The following CNTNAP5 variants were observed in gnomAD, a reference collection of about 807,000 sequenced individuals.
CNTNAP5 encodes the protein contactin associated protein family member 5.
Under a neutral mutation model 150.2 loss-of-function variants are expected in CNTNAP5, and 72 were observed. The observed-to-expected ratio is 0.48, with a 90% CI of 0.40 to 0.58. CNTNAP5 has a LOEUF of 0.58. Among genes scored for constraint, CNTNAP5 ranks in the 20% least tolerant of loss-of-function variants. The pLI is 0.00. For missense variants in CNTNAP5, 1,636 were observed against 1,626.2 expected, an observed-to-expected ratio of 1.01 and a Z score of -0.10; for synonymous variants, 672 against 619.8, an observed-to-expected ratio of 1.08 and a Z score of -1.25.
intron 1 of CNTNAP5, among the ~76,000 whole-genome samples, chr2:124,105,039 A>AG (rs879402557): frequency 9.9e-4 from 151 of 152,220 alleles, no homozygotes; most frequent in African/African-American, 2.0e-3. Context: ...GCTGCTCTAC[A>AG]CATATATAAG....
intron 1 of CNTNAP5, among the ~76,000 whole-genome samples, chr2:124,092,495 A>G (rs1289835158): frequency 2.6e-5 from 4 of 152,174 alleles, no homozygotes; most frequent in African/African-American, 9.7e-5. Context: ...ACCCTGAAGT[A>G]CTTTAATCCT....
At chr2:124,294,358 T>A (rs937703266) in intron 3 of CNTNAP5, among the ~76,000 whole-genome samples, 3 of 146,146 alleles carry the variant, frequency 2.1e-5, no homozygotes, top group Non-Finnish European at 3.0e-5. Flanking sequence ...AAAACAGGAA[T>A]TTTTTTTTTT....
rs528265415 is a variant in CNTNAP5, at chr2:124,171,401, C to A, written c.83-50304C>A. The stretch of plus-strand genomic sequence containing the variant: ...GCCAGCACAACAGTATCACCACAAA[C>A]CCTCAGCACGTTGCTAATTTGAGCT... On this transcript the variant is annotated intron_variant, in intron 1 of 23. Coordinates refer to ENST00000682447, the MANE Select transcript of CNTNAP5 (RefSeq NM_001367498.1). Among the ~76,000 whole-genome samples the A allele has an allele frequency of 3.9e-4, 60 of 152,290 alleles. 1 individual carries two copies. The highest frequency in any genetic ancestry group is 7.3e-4 in the Non-Finnish European group (50 of 68,028).
At chr2:124,498,759 A>T (rs1038438174) in intron 7 of CNTNAP5, among the ~76,000 whole-genome samples, 1 of 152,216 alleles carries the variant, frequency 6.6e-6, no homozygotes, top group African/African-American at 2.4e-5. Context: ...AGCCTGCATC[A>T]TTCAAAGAAA....
At chr2:124,469,221 G>A (rs1224828066) in intron 6 of CNTNAP5, among the ~76,000 whole-genome samples, 1 of 152,098 alleles carries the variant, frequency 6.6e-6, no homozygotes, top group Non-Finnish European at 1.5e-5. Context: ...CAATTTTTTA[G>A]TATATGGTAC....
intron 8 of CNTNAP5, among the ~76,000 whole-genome samples, chr2:124,506,240 T>C (rs1694404654): frequency 6.6e-6 from 1 of 151,556 alleles, no homozygotes; most frequent in Admixed American, 6.6e-5. Flanking sequence ...ATCAGAAATT[T>C]ACATTAAAAT....
At chr2:124,671,036 A>G (rs1443967631) in intron 13 of CNTNAP5, among the ~76,000 whole-genome samples, 1 of 152,150 alleles carries the variant, frequency 6.6e-6, no homozygotes, top group African/African-American at 2.4e-5. Context: ...GGTGCCCAAT[A>G]TACCCAACTG....
intron 14 of CNTNAP5, among the ~76,000 whole-genome samples, chr2:124,747,864 C>T (rs1459172538): frequency 2.6e-5 from 3 of 113,552 alleles, no homozygotes; most frequent in Middle Eastern, 0.011. Context: ...GTCTTGATAT[C>T]TTGACCTCGT....
intron 1 of CNTNAP5, among the ~76,000 whole-genome samples, chr2:124,063,595 G>T (rs538728323): frequency 3.3e-5 from 5 of 152,220 alleles, no homozygotes; most frequent in African/African-American, 1.2e-4. Flanking sequence ...CATCCAGGAC[G>T]CAACACGTAT....
chr2:124,548,110 G>A (rs1695552969), intron 10 of CNTNAP5, among the ~76,000 whole-genome samples: 1 of 152,136 alleles, frequency 6.6e-6, no homozygotes, highest in Admixed American at 6.5e-5. Context: ...AGTTGAAAGA[G>A]GGGGAAAAAA....
In CNTNAP5 at chr2:124,419,896, TTTTCTTTCTTTCTTTC is replaced by T. The variant is rs776205045; in HGVS notation, c.529+2351_529+2366del. On this transcript the variant is annotated intron_variant, in intron 4 of 23. Coordinates refer to ENST00000682447, the MANE Select transcript of CNTNAP5 (RefSeq NM_001367498.1). ...CATGTTTTTTATTTGACTGGATTGG[TTTTCTTTCTTTCTTTC>T]TTTCTTTCTTTCTTTCTTTCTTTCT... Among the ~76,000 whole-genome samples the T allele has an allele frequency of 1.7e-3, 149 of 85,230 alleles. 1 individual carries two copies. Among genetic ancestry groups the T allele is most frequent in the African/African-American group, 5.8e-3 (122 of 20,994 alleles). The allele number at this position is 85,230 out of a possible 152,430, so 55.9% of individuals were successfully genotyped here.
At chr2:124,824,211 C>G (rs559550628) in intron 19 of CNTNAP5, among the ~76,000 whole-genome samples, 1 of 152,156 alleles carries the variant, frequency 6.6e-6, no homozygotes, top group Non-Finnish European at 1.5e-5. Flanking sequence ...AGCTACCATG[C>G]CTGGCCCTTA....
chr2:124,694,882 A>G (rs1679372722), intron 13 of CNTNAP5, among the ~76,000 whole-genome samples: 1 of 152,146 alleles, frequency 6.6e-6, no homozygotes, highest in African/African-American at 2.4e-5. Flanking sequence ...AGTAAGACAA[A>G]AGTGAAACAA....
chr2:124,032,556 G>A (rs1442569138), intron 1 of CNTNAP5, among the ~76,000 whole-genome samples: 1 of 151,902 alleles, frequency 6.6e-6, no homozygotes, highest in Non-Finnish European at 1.5e-5. Flanking sequence ...AGATATATCT[G>A]AATCTACAAA....
intron 8 of CNTNAP5, among the ~76,000 whole-genome samples, chr2:124,523,482 T>A (rs951237743): frequency 6.6e-6 from 1 of 152,166 alleles, no homozygotes; most frequent in South Asian, 2.1e-4. Context: ...AAGGAAATAG[T>A]TGAAACCTCA....
chr2:124,711,058 G>T (rs1396673803), intron 13 of CNTNAP5, among the ~76,000 whole-genome samples: 2 of 152,032 alleles, frequency 1.3e-5, no homozygotes, highest in Admixed American at 6.6e-5. Context: ...GGATTACGAG[G>T]TCAGGAGTTG....
intron 1 of CNTNAP5, among the ~76,000 whole-genome samples, chr2:124,094,085 G>T (rs1164376557): frequency 6.6e-6 from 1 of 152,224 alleles, no homozygotes; most frequent in Non-Finnish European, 1.5e-5. Context: ...AATGCCTAAT[G>T]AACTGAAAGT....
chr2:124,575,254 A>G (rs1696255632), intron 11 of CNTNAP5, among the ~76,000 whole-genome samples: 1 of 152,216 alleles, frequency 6.6e-6, no homozygotes, highest in African/African-American at 2.4e-5. Context: ...TGCTCTAGAC[A>G]AGGTCAGTTG....
At chr2:124,336,832 CA>C (rs1689484954) in intron 3 of CNTNAP5, among the ~76,000 whole-genome samples, 1 of 152,072 alleles carries the variant, frequency 6.6e-6, no homozygotes, top group East Asian at 1.9e-4. Context: ...CCGCAATAAA[CA>C]TACTGGTGTG....
Sources: allele counts gnomAD v4.1 joint callset (sites outside exome capture counted in the v4.1 genomes callset), GRCh38; gene constraint gnomAD v4.1.1; transcripts MANE v1.5; gene names NCBI Gene and HGNC (gene_info 2026-07-23, HGNC 2026-07-21).